Variants in ROCK2 observed in about 807,000 individuals in gnomAD.
ROCK2 encodes rho-associated protein kinase 2.
In ROCK2, 61 loss-of-function variants were observed where a neutral mutation model predicts 195.1. The ratio of observed to expected loss-of-function variants is 0.31; its 90% CI spans 0.25 to 0.39. ROCK2 has a LOEUF of 0.39. ROCK2 is among the 10% of genes least tolerant of loss of function. The pLI is 1.00. For synonymous variants in ROCK2, 504 were observed against 545.5 expected (o/e 0.92, Z 1.06); for missense variants, 1,109 against 1,637.4 (o/e 0.68, Z 5.57).
At chr2:11,221,602 A>G (rs1042342602) in intron 8 of ROCK2, among the ~76,000 whole-genome samples, 2 of 152,208 alleles carry the variant, frequency 1.3e-5, no homozygotes, top group African/African-American at 2.4e-5. Flanking sequence ...AAGCAGCAAT[A>G]ATTTGCACAG....
chr2:11,286,390 T>C (rs892361037), intron 3 of ROCK2, 149 bp downstream of exon 3: 7 of 560,896 alleles, frequency 1.2e-5, no homozygotes, highest in African/African-American at 1.9e-5. Context: ...AACAAAGGCT[T>C]CCTTTTATAG....
At chr2:11,330,494 T>C (rs1474204700) in intron 1 of ROCK2, among the ~76,000 whole-genome samples, 1 of 152,120 alleles carries the variant, frequency 6.6e-6, no homozygotes, top group Non-Finnish European at 1.5e-5. Flanking sequence ...GATTTCAACA[T>C]ACAAAAACAC....
At chr2:11,337,532 T>C (rs1261372106) in intron 1 of ROCK2, among the ~76,000 whole-genome samples, 2 of 152,178 alleles carry the variant, frequency 1.3e-5, no homozygotes, top group East Asian at 3.9e-4. Flanking sequence ...AAATCACATT[T>C]TAAAGAGCAG....
chr2:11,234,542 A>AT (rs1339810054), intron 5 of ROCK2: 3 of 152,154 alleles, frequency 2.0e-5, no homozygotes, highest in African/African-American at 7.2e-5. Context: ...TTTGGGTACA[A>AT]TAAAAAACTC....
rs974060623 is a variant in ROCK2, at chr2:11,212,761, G to GA, written c.2044-922dup. 3.8e-3 allele frequency among the ~76,000 whole-genome samples: 542 copies of GA among 144,410 alleles called. 1 individual carries two copies. Among genetic ancestry groups the GA allele is most frequent in the African/African-American group, 0.012 (467 of 39,538 alleles). The allele number at this position is 144,410 out of a possible 152,430, so 94.7% of individuals were successfully genotyped here. On this transcript the variant is annotated intron_variant, in intron 17 of 32. Transcript: ENST00000315872. ...GAGTAATCTACTCTGTCCTAAAAAA[G>GA]AAAAAAAAAAATCACTACTTCACAC...
chr2:11,238,078 G>T (rs1396305278), intron 4 of ROCK2, among the ~76,000 whole-genome samples: 1 of 152,140 alleles, frequency 6.6e-6, no homozygotes, highest in African/African-American at 2.4e-5. Context: ...ACTTTGACTA[G>T]CGGGGAGAAA....
intron 1 of ROCK2, among the ~76,000 whole-genome samples, chr2:11,342,533 T>C (rs10202636): frequency 1.4e-3 from 218 of 152,338 alleles, no homozygotes; most frequent in African/African-American, 5.0e-3. Flanking sequence ...ATGAACCTGA[T>C]GAATACTTGA....
chr2:11,283,421 C>T (rs1358051393), intron 3 of ROCK2, among the ~76,000 whole-genome samples: 2 of 149,716 alleles, frequency 1.3e-5, no homozygotes, highest in East Asian at 1.9e-4. Context: ...ATTAGCCGGG[C>T]GCGGTGGCGG....
At chr2:11,217,421 T>C (rs1664472432) in intron 11 of ROCK2, 1 of 527,756 alleles carries the variant, frequency 1.9e-6, no homozygotes, top group South Asian at 1.6e-5. Flanking sequence ...AGCTCTAACT[T>C]TGGCAGAATT....
At chr2:11,225,584 C>T (rs540664466) in intron 6 of ROCK2, among the ~76,000 whole-genome samples, 24 of 152,038 alleles carry the variant, frequency 1.6e-4, no homozygotes, top group Admixed American at 4.6e-4. Flanking sequence ...AAGTGATCTT[C>T]CTGCCTCAGC....
intron 4 of ROCK2, among the ~76,000 whole-genome samples, chr2:11,241,720 C>A (rs1015253122): frequency 6.6e-6 from 1 of 152,058 alleles, no homozygotes; most frequent in Non-Finnish European, 1.5e-5. Context: ...TATGGAAACA[C>A]GTAAAATTGA....
chr2:11,203,798 G>GT (rs1399911651), intron 20 of ROCK2, among the ~76,000 whole-genome samples: 1 of 152,166 alleles, frequency 6.6e-6, no homozygotes, highest in Non-Finnish European at 1.5e-5. Context: ...AGTCAAAGAT[G>GT]TGAGAGATGC....
chr2:11,339,539 A>G (rs1669039074), intron 1 of ROCK2, among the ~76,000 whole-genome samples: 1 of 63,432 alleles, frequency 1.6e-5, no homozygotes, highest in South Asian at 8.8e-4. Context: ...AGAAAAAAAA[A>G]AACAAAAAAA....
chr2:11,317,732 A>G (rs889385174), intron 1 of ROCK2, among the ~76,000 whole-genome samples: 3 of 149,918 alleles, frequency 2.0e-5, no homozygotes, highest in Non-Finnish European at 4.4e-5. Flanking sequence ...CGTCATTTAC[A>G]TTAGGTATAT....
rs1178118187 is a variant in ROCK2 at position 11,249,916 on chromosome 2, AT to A, written c.325-119del. 1.3e-5 allele frequency: 10 copies of A among 770,700 alleles called. No individual in the cohort carries two copies. In the African/African-American group the frequency reaches 1.8e-4, roughly 14 times the overall value. 47.7% of individuals were successfully genotyped at this position (770,700 alleles called of 1,614,324 possible). The stretch of plus-strand genomic sequence containing the variant: ...GTTACAAAAAAATGGTCCTTAGCTA[AT>A]AAAAAGTAAAAGCAAAACATTTTTA... On this transcript the variant is annotated intron_variant, in intron 3 of 32. Coordinates refer to ENST00000315872, the MANE Select transcript of ROCK2 (RefSeq NM_004850.5).
intron 7 of ROCK2, among the ~76,000 whole-genome samples, chr2:11,223,101 C>T (rs1374028998): frequency 2.0e-5 from 3 of 152,086 alleles, no homozygotes; most frequent in Non-Finnish European, 2.9e-5. Flanking sequence ...TAGAAAGAGG[C>T]GTCTCTCCTT....
chr2:11,219,628 C>T (rs749004935), intron 9 of ROCK2, among the ~76,000 whole-genome samples: 2 of 152,036 alleles, frequency 1.3e-5, no homozygotes, highest in Admixed American at 6.6e-5. Context: ...ATACTTCCCA[C>T]CTCTTCATCT....
rs370740036 is a variant in ROCK2, at chr2:11,189,994, C to CAATAAT, written c.4163+2148_4163+2153dup. ...TGGGCAACAGAGTGAGACCCTGTCT[C>CAATAAT]AATAATAATAATAATAATAATAAAA... On this transcript the variant is annotated intron_variant, in intron 32 of 32. Coordinates refer to ENST00000315872, the MANE Select transcript of ROCK2 (RefSeq NM_004850.5). Among the ~76,000 whole-genome samples, 200 of 150,890 alleles carry CAATAAT rather than the reference C, an allele frequency of 1.3e-3. 1 individual carries two copies. The highest frequency in any genetic ancestry group is 2.4e-3 in the Non-Finnish European group (160 of 67,696).
intron 1 of ROCK2, among the ~76,000 whole-genome samples, chr2:11,334,452 G>A (rs919457557): frequency 1.3e-5 from 2 of 150,212 alleles, no homozygotes; most frequent in African/African-American, 2.5e-5. Context: ...CAGAGATTGC[G>A]GTGAGCCGAG....
Sources: allele counts gnomAD v4.1 joint callset (sites outside exome capture counted in the v4.1 genomes callset), GRCh38; gene constraint gnomAD v4.1.1; transcripts MANE v1.5; gene names NCBI Gene and HGNC (gene_info 2026-07-23, HGNC 2026-07-21).